MAPK6: variants seen among roughly 807,000 people sequenced by gnomAD.
MAPK6 encodes mitogen-activated protein kinase 6.
MAPK6 carries 19 observed loss-of-function variants against 59.3 expected under a neutral mutation model. The observed-to-expected ratio is 0.32, with a 90% CI of 0.22 to 0.47. The LOEUF (loss-of-function observed/expected upper bound fraction) is 0.47, where lower values mean the gene tolerates loss of function less well. Among genes scored for constraint, MAPK6 ranks in the 20% least tolerant of loss-of-function variants. MAPK6 has a pLI of 1.00. For synonymous variants in MAPK6, 316 were observed against 290.3 expected, an observed-to-expected ratio of 1.09 and a Z score of -0.90; for missense variants, 724 against 847.9, an observed-to-expected ratio of 0.85 and a Z score of 1.81.
intron 3 of MAPK6, among the ~76,000 whole-genome samples, chr15:52,007,703 C>CAAA (rs72079500): frequency 1.6e-5 from 2 of 126,116 alleles, no homozygotes; most frequent in Admixed American, 8.2e-5. Context: ...AGCTCTATCT[C>CAAA]AAAAAAAAAA....
chr15:52,040,989 AT>A (rs1274237638), intron 1 of MAPK6, among the ~76,000 whole-genome samples: 1 of 152,228 alleles, frequency 6.6e-6, no homozygotes, highest in Admixed American at 6.5e-5. Context: ...AAACTTAATG[AT>A]CACTCCCCAA....
chr15:52,061,794 C>A (rs1017387991), intron 5 of MAPK6, among the ~76,000 whole-genome samples: 1 of 151,780 alleles, frequency 6.6e-6, no homozygotes, highest in African/African-American at 2.4e-5. Context: ...TAGTAATGGT[C>A]CTTAATATTT....
intron 1 of MAPK6, among the ~76,000 whole-genome samples, chr15:52,042,430 C>T (rs1172565395): frequency 2.6e-5 from 4 of 152,174 alleles, no homozygotes. Flanking sequence ...CCTAGTATCA[C>T]TTTTTACCCA....
chr15:51,985,267 C>T (rs1318975817), intron 2 of MAPK6, among the ~76,000 whole-genome samples: 1 of 148,392 alleles, frequency 6.7e-6, no homozygotes, highest in African/African-American at 2.5e-5. Context: ...TGCTTTAGTC[C>T]AGGAGTTCCA....
intron 2 of MAPK6, among the ~76,000 whole-genome samples, chr15:52,002,811 A>G (rs1302386164): frequency 1.3e-5 from 2 of 152,202 alleles, no homozygotes; most frequent in Non-Finnish European, 2.9e-5. Flanking sequence ...TCATGGCGGA[A>G]GAGGAAGCAA....
At chr15:52,055,547 G>C (rs1024913859) in intron 3 of MAPK6, among the ~76,000 whole-genome samples, 1 of 152,180 alleles carries the variant, frequency 6.6e-6, no homozygotes, top group Non-Finnish European at 1.5e-5. Context: ...GAGGAGTCTC[G>C]CTCTGTCGCC....
intron 1 of MAPK6, chr15:52,027,702 T>C (rs2030856621): frequency 6.7e-6 from 1 of 148,984 alleles, no homozygotes; most frequent in African/African-American, 2.5e-5. Context: ...CCTCAAAAAG[T>C]GCTGGGATTA....
At chr15:52,028,161 C>G (rs1208785480) in intron 1 of MAPK6, among the ~76,000 whole-genome samples, 3 of 151,870 alleles carry the variant, frequency 2.0e-5, no homozygotes, top group African/African-American at 7.3e-5. Flanking sequence ...ACCGTGTTAG[C>G]CAGGATGGTC....
At position 52,063,942 on chromosome 15, in the gene MAPK6, C is replaced by G. The variant is rs781010995; in HGVS notation, c.1108C>G (p.His370Asp). Residue 370 changes from histidine to aspartate, a missense_variant, in exon 6 of 6, where the codon CAT becomes GAT. Around this residue, in one of 4 missense-constraint regions of MAPK6, gnomAD observed 502 missense variants for 507.6 expected, o/e 0.99. Transcript: ENST00000261845. ...GTTTTCAGAGCATGATTGGCCTGTA[C>G]ATAACAACTTTGATATTGATGAAGT... ...CQFSEHDWPV[H>D]NNFDIDEVQL... 6.3e-7 allele frequency: 1 copy of G among 1,596,434 alleles called. No individual in the cohort carries two copies. Among genetic ancestry groups the G allele is most frequent in the Non-Finnish European group, 8.5e-7 (1 of 1,171,278 alleles).
rs768744339 is a variant in MAPK6, at chr15:52,058,817, A to AC, written c.865+23dup. On this transcript the variant is annotated intron_variant, in intron 4 of 5. Transcript: ENST00000261845. Reference sequence around the variant, plus strand: ...GAGAAGGTATTGTGACTCGAGAGTAACCCTCACGTTAATGCCTGTGTGTGA... The same window carrying AC: ...GAGAAGGTATTGTGACTCGAGAGTAACCCCTCACGTTAATGCCTGTGTGTGA... 1,212 of 1,594,030 alleles carry AC rather than the reference A, an allele frequency of 7.6e-4. 1 individual carries two copies. The highest frequency in any genetic ancestry group is 9.2e-4 in the Non-Finnish European group (1,080 of 1,168,100).
chr15:51,997,252 T>A (rs548544388), intron 2 of MAPK6, among the ~76,000 whole-genome samples: 7 of 151,600 alleles, frequency 4.6e-5, no homozygotes, highest in Non-Finnish European at 8.8e-5. Flanking sequence ...AGTGCTGGGA[T>A]TACAGTGAGC....
chr15:52,061,582 AT>A (rs1169366707), intron 5 of MAPK6, 82 bp downstream of exon 5: 13 of 1,048,204 alleles, frequency 1.2e-5, no homozygotes, highest in Non-Finnish European at 1.8e-5. Flanking sequence ...AAAATTATGT[AT>A]AAGACATTGT....
rs549438786 is a variant in MAPK6 at position 51,991,144 on chromosome 15, T to TACACAC, written c.-770+7830_-770+7831insCACACA. Among the ~76,000 whole-genome samples the TACACAC allele has an allele frequency of 2.0e-4, 21 of 104,310 alleles. No homozygotes were observed. The South Asian group carries it at 4.0e-3, about 20-fold the overall frequency. 68.4% of individuals were successfully genotyped at this position (104,310 alleles called of 152,430 possible). The stretch of plus-strand genomic sequence containing the variant: ...ATTCCATCTCAAAAAGAAATATATA[T>TACACAC]ATATACACACACACACACACACACA... On this transcript the variant is annotated intron_variant, in intron 2 of 7. Coordinates refer to the MAPK6 transcript ENST00000691380.
chr15:52,028,600 G>C (rs1340674409), intron 1 of MAPK6, among the ~76,000 whole-genome samples: 1 of 152,186 alleles, frequency 6.6e-6, no homozygotes, highest in Non-Finnish European at 1.5e-5. Flanking sequence ...TCATATTTCA[G>C]TTGTTCAGTA....
At chr15:52,050,967 G>A (rs2031758814) in intron 3 of MAPK6, among the ~76,000 whole-genome samples, 1 of 152,212 alleles carries the variant, frequency 6.6e-6, no homozygotes, top group African/African-American at 2.4e-5. Context: ...GTAAGGAATA[G>A]TAGGGGTACT....
intron 1 of MAPK6, among the ~76,000 whole-genome samples, chr15:52,023,554 C>T (rs1290981714): frequency 6.6e-6 from 1 of 152,210 alleles, no homozygotes; most frequent in African/African-American, 2.4e-5. Flanking sequence ...TTGGTTTTTT[C>T]ACCTCCATGA....
intron 3 of MAPK6, 99 bp from the exon 4 acceptor site, chr15:52,058,534 C>T: frequency 7.1e-6 from 7 of 985,742 alleles, no homozygotes; most frequent in Non-Finnish European, 9.9e-6. Context: ...AAACTTTTCC[C>T]CCCACTGGTC....
At chr15:52,035,781 C>G (rs1294138077) in intron 1 of MAPK6, among the ~76,000 whole-genome samples, 1 of 152,182 alleles carries the variant, frequency 6.6e-6, no homozygotes, top group Non-Finnish European at 1.5e-5. Flanking sequence ...TTAATCCTGT[C>G]AGTGGATTCC....
chr15:52,049,516 C>T (rs544347906), intron 2 of MAPK6, among the ~76,000 whole-genome samples: 1 of 151,422 alleles, frequency 6.6e-6, no homozygotes, highest in South Asian at 2.1e-4. Flanking sequence ...TTAGTAGAGG[C>T]AGAGTTTTAC....
Sources: gnomAD v4.1 joint callset for allele counts (sites outside exome capture counted in the v4.1 genomes callset) on GRCh38, gnomAD v4.1.1 for gene constraint, gnomAD v4.1.1 regional missense constraint, MANE v1.5 for transcripts, NCBI Gene and HGNC (gene_info 2026-07-23, HGNC 2026-07-21) for gene names.